Variants in MATN1 observed in about 807,000 individuals in gnomAD.
MATN1 encodes the protein matrilin-1.
MATN1 carries 34 observed loss-of-function variants against 41.3 expected under a neutral mutation model. The observed-to-expected ratio is 0.82, with a 90% confidence interval of 0.63 to 1.10. The LOEUF is 1.10. Ranked by LOEUF, MATN1 falls within the 50% of genes least tolerant of loss-of-function variation. The pLI is 0.00. For missense variants in MATN1, 602 were observed against 662.4 expected, an observed-to-expected ratio of 0.91 and a Z score of 1.00; for synonymous variants, 264 against 278.7, an observed-to-expected ratio of 0.95 and a Z score of 0.53.
chr1:30,721,330 G>A, intron 2 of MATN1, 75 bp downstream of exon 2: 1 of 1,384,494 alleles, frequency 7.2e-7, no homozygotes, highest in Non-Finnish European at 1.0e-6. Flanking sequence ...GAATCAAAGT[G>A]TCTGCAGGCA....
intron 3 of MATN1, 116 bp downstream of exon 3, chr1:30,718,619 G>C (rs1188393): frequency 0.6 from 120,660 of 202,740 alleles, 33,378 homozygotes; most frequent in African/African-American, 0.84. Context: ...CCTGCCCTGC[G>C]CCGGCGCTGG....
chr1:30,713,811 C>G, intron 7 of MATN1, 180 bp from the exon 8 acceptor site: 1 of 643,252 alleles, frequency 1.6e-6, no homozygotes. Context: ...TACTGTGAGC[C>G]ACGAGTGCCC....
intron 2 of MATN1, chr1:30,719,201 T>C: frequency 4.2e-6 from 2 of 474,102 alleles, no homozygotes; most frequent in Non-Finnish European, 7.4e-6. Flanking sequence ...CGGAGGGATG[T>C]GATGCCCCAT....
rs764487405 is a variant in MATN1, at chr1:30,721,765, A to G, written c.95-14T>C. 21 of 1,594,926 alleles carry G rather than the reference A, an allele frequency of 1.3e-5. No individual in the cohort carries two copies. The highest frequency in any genetic ancestry group is 1.8e-5 in the Non-Finnish European group (21 of 1,171,650). ...GGCAGAGATGGCCTGGGAGTGGGGC[A>G]GGAGGGGTAAGGCAGAGAGCAGAGA... On this transcript the variant is annotated splice_polypyrimidine_tract_variant and intron_variant, in intron 1 of 7. Coordinates refer to ENST00000373765, the MANE Select transcript of MATN1 (RefSeq NM_002379.3).
Position 30,718,921 on chromosome 1 carries a change from T to C in MATN1, c.478A>G (p.Ser160Gly). The C allele has an allele frequency of 6.5e-7, 1 of 1,546,708 alleles. No homozygotes were observed. The highest frequency in any genetic ancestry group is 8.7e-7 in the Non-Finnish European group (1 of 1,151,636). Residue 160 changes from serine (S) to glycine (G), a missense_variant, in exon 3 of 8, where the codon AGC becomes GGC. Ser to Gly is a moderately conservative substitution (Grantham distance 56). Coordinates refer to ENST00000373765, the MANE Select transcript of MATN1 (RefSeq NM_002379.3). The part of the protein sequence containing the change: ...IVVTDGRPQD[S>G]VQDVSARARA... The stretch of plus-strand genomic sequence containing the variant: ...GCCCGCGCAGACACGTCCTGCACGC[T>C]GTCCTGGGGCCTCCCGTCTGTCACC...
intron 7 of MATN1, 95 bp from the exon 8 acceptor site, chr1:30,713,726 C>G: frequency 1.1e-6 from 1 of 910,364 alleles, no homozygotes; most frequent in Non-Finnish European, 1.8e-6. Flanking sequence ...CCCACTACAG[C>G]GTGCATTCTC....
intron 2 of MATN1, 26 bp from the exon 3 acceptor site, chr1:30,718,983 C>T: frequency 6.8e-7 from 1 of 1,461,224 alleles, no homozygotes; most frequent in Non-Finnish European, 9.1e-7. Flanking sequence ...CGGTGTGACA[C>T]CGGGCTCCCG....
At chr1:30,722,545 C>T (rs1241209893) in intron 1 of MATN1, among the ~76,000 whole-genome samples, 2 of 152,262 alleles carry the variant, frequency 1.3e-5, no homozygotes, top group African/African-American at 2.4e-5. Context: ...CTGTGGGGCC[C>T]TGGGCAGATC....
At position 30,712,220 on chromosome 1, in the gene MATN1, G is replaced by A. The variant is rs1569823078; in HGVS notation, c.*1362C>T. On this transcript the variant is annotated 3_prime_UTR_variant, in exon 8 of 8. Transcript: ENST00000373765. ...AAAATCACCAAAGCTCCCCCTCTGA[G>A]AGGACAGAGATGGAGATTCCGGAGC... 2 of 152,214 alleles carry A rather than the reference G, an allele frequency of 1.3e-5. No homozygotes were observed. The highest frequency in any genetic ancestry group is 6.5e-5 in the Admixed American group (1 of 15,286). The allele number at this position is 152,214 out of a possible 1,614,324, so 9.4% of individuals were successfully genotyped here.
In MATN1 at chr1:30,712,742, C is replaced by T. The variant is rs1402691685; in HGVS notation, c.*840G>A. 1.3e-5 allele frequency: 2 copies of T among 152,186 alleles called. No individual in the cohort carries two copies. Among genetic ancestry groups the T allele is most frequent in the Non-Finnish European group, 2.9e-5 (2 of 68,066 alleles). 9.4% of individuals were successfully genotyped at this position (152,186 alleles called of 1,614,324 possible). ...CCATTGCCCTGTAAGTACATGATAC[C>T]TGAACGAATGAGTGAACGAATGAAT... On this transcript the variant is annotated 3_prime_UTR_variant, in exon 8 of 8. Coordinates refer to ENST00000373765, the MANE Select transcript of MATN1 (RefSeq NM_002379.3).
chr1:30,714,169 C>T (rs1639587872), intron 7 of MATN1, 78 bp downstream of exon 7: 2 of 1,214,376 alleles, frequency 1.6e-6, no homozygotes, highest in Non-Finnish European at 1.2e-6. Context: ...CAACTGACCA[C>T]ACTTGGGCCA....
chr1:30,714,436 G>A (rs1569826065), intron 6 of MATN1, 109 bp from the exon 7 acceptor site: 1 of 875,836 alleles, frequency 1.1e-6, no homozygotes, highest in East Asian at 2.6e-5. Context: ...CCGGGGAGGT[G>A]AGGGGCTTAA....
intron 1 of MATN1, among the ~76,000 whole-genome samples, chr1:30,723,243 T>C (rs1026633959): frequency 1.3e-5 from 2 of 152,152 alleles, no homozygotes; most frequent in Admixed American, 6.5e-5. Flanking sequence ...GCCTCATGCA[T>C]GGTCCCTGAG....
chr1:30,711,847 G>A lies in MATN1; in HGVS notation c.*1735C>T, dbSNP rs1367100101. The A allele has an allele frequency of 6.6e-6, 1 of 152,280 alleles. No homozygotes were observed. Among genetic ancestry groups the A allele is most frequent in the East Asian group, 1.9e-4 (1 of 5,188 alleles). 9.4% of individuals were successfully genotyped at this position (152,280 alleles called of 1,614,324 possible). A position where few individuals can be genotyped will look rare whatever the true frequency, so the allele number is the denominator to read the frequency against. ...TCAGAAGAAAGGAAGAATGAGCAGA[G>A]TCATAACTTCTCAGGTGGCTGTGTC... On this transcript the variant is annotated 3_prime_UTR_variant, in exon 8 of 8. Transcript: ENST00000373765.
intron 3 of MATN1, among the ~76,000 whole-genome samples, chr1:30,718,294 T>C (rs1298671250): frequency 7.3e-5 from 11 of 149,942 alleles, no homozygotes; most frequent in Admixed American, 4.6e-4. Context: ...ACTCTCAGTC[T>C]CTGCGCCTGC....
intron 6 of MATN1, among the ~76,000 whole-genome samples, chr1:30,714,660 C>T (rs1381496147): frequency 6.6e-6 from 1 of 152,140 alleles, no homozygotes; most frequent in African/African-American, 2.4e-5. Context: ...AGTCATTAAT[C>T]CCATCTTACA....
In MATN1 at chr1:30,713,515, T is replaced by G. The variant is rs866681727; in HGVS notation, c.*67A>C. On this transcript the variant is annotated 3_prime_UTR_variant, in exon 8 of 8. Coordinates refer to ENST00000373765, the MANE Select transcript of MATN1 (RefSeq NM_002379.3). ...CCACCCCCGGGCTGGCTTCCCTCACTAAAATGGTAAAGCTACGGCGGACAC... is the reference window on the plus strand; with the variant it reads ...CCACCCCCGGGCTGGCTTCCCTCACGAAAATGGTAAAGCTACGGCGGACAC... 33 of 1,523,370 alleles carry G rather than the reference T, an allele frequency of 2.2e-5. No individual in the cohort carries two copies. The Middle Eastern group carries it at 2.5e-3, about 116-fold the overall frequency. 94.4% of individuals were successfully genotyped at this position (1,523,370 alleles called of 1,614,324 possible).
chr1:30,718,105 C>T (rs1210999664), intron 3 of MATN1, among the ~76,000 whole-genome samples: 2 of 152,212 alleles, frequency 1.3e-5, no homozygotes, highest in African/African-American at 4.8e-5. Context: ...TCCACCTAAG[C>T]CGTGTCCCTA....
chr1:30,718,817 C>T lies in MATN1; in HGVS notation c.582G>A (p.Glu194=). The T allele has an allele frequency of 6.2e-7, 1 of 1,610,180 alleles. No individual in the cohort carries two copies. Among genetic ancestry groups the T allele is most frequent in the Non-Finnish European group, 8.5e-7 (1 of 1,178,878 alleles). ...CGTAATCGACGTGTTCGTCCTGCGG[C>T]TCGCTGGCGATCTGCCGCAGCGTGG... ...DKATLRQIAS[E]PQDEHVDYVE... Residue 194 remains glutamate (E), a synonymous_variant, in exon 3 of 8, where the codon GAG becomes GAA. Transcript: ENST00000373765.
Sources: gnomAD v4.1 joint callset for allele counts (sites outside exome capture counted in the v4.1 genomes callset) on GRCh38, gnomAD v4.1.1 for gene constraint, MANE v1.5 for transcripts, NCBI Gene and HGNC (gene_info 2026-07-23, HGNC 2026-07-21) for gene names.